GSK3B: variants seen among roughly 807,000 people sequenced by gnomAD.
GSK3B encodes the protein glycogen synthase kinase 3 beta.
Under a neutral mutation model 56.4 loss-of-function variants are expected in GSK3B, and 15 were observed. The observed-to-expected ratio is 0.27, with a 90% CI of 0.18 to 0.41. GSK3B has a LOEUF of 0.41. Ranked by LOEUF, GSK3B falls within the 10% of genes least tolerant of loss-of-function variation. The probability of loss-of-function intolerance (pLI) is 1.00; values close to 1 mark genes in which losing one functional copy is unlikely to be tolerated. For synonymous variants in GSK3B, 181 were observed against 188.9 expected, an observed-to-expected ratio of 0.96 and a Z score of 0.34; for missense variants, 300 against 513.4, an observed-to-expected ratio of 0.58 and a Z score of 4.02.
intron 1 of GSK3B, among the ~76,000 whole-genome samples, chr3:120,047,317 T>G (rs1220442053): frequency 6.6e-6 from 1 of 152,164 alleles, no homozygotes; most frequent in Non-Finnish European, 1.5e-5. Context: ...GAATCTGAGA[T>G]AACTATAAGG....
intron 10 of GSK3B, among the ~76,000 whole-genome samples, chr3:119,835,259 C>T (rs1284874470): frequency 6.6e-6 from 1 of 152,142 alleles, no homozygotes; most frequent in Non-Finnish European, 1.5e-5. Context: ...GAACTGACAG[C>T]GGGACAAACT....
chr3:120,082,385 C>CTTTTTTTT lies in GSK3B; in HGVS notation c.88+10954_88+10961dup, dbSNP rs1173737285. Reference sequence around the variant, plus strand: ...TGTGGCTAGCCCAAATTAGTATGTTCTTTTTTTTTTTTTTTTTTTTTTTTT... The same window carrying CTTTTTTTT: ...TGTGGCTAGCCCAAATTAGTATGTTCTTTTTTTTTTTTTTTTTTTTTTTTTTTTTTTTT... On this transcript the variant is annotated intron_variant, in intron 1 of 10. Coordinates refer to ENST00000264235, the MANE Select transcript of GSK3B (RefSeq NM_001146156.2). 5.4e-4 allele frequency among the ~76,000 whole-genome samples: 36 copies of CTTTTTTTT among 66,382 alleles called. 3 individuals carry two copies. The highest frequency in any genetic ancestry group is 1.4e-3 in the East Asian group (2 of 1,432). The allele number at this position is 66,382 out of a possible 152,430, so 43.5% of individuals were successfully genotyped here.
chr3:119,894,871 C>G (rs2056545116), intron 7 of GSK3B, among the ~76,000 whole-genome samples: 1 of 152,042 alleles, frequency 6.6e-6, no homozygotes, highest in Non-Finnish European at 1.5e-5. Flanking sequence ...ATCGTTTTGG[C>G]TCTAACATTT....
intron 1 of GSK3B, among the ~76,000 whole-genome samples, chr3:120,031,501 C>A (rs896368071): frequency 6.6e-6 from 1 of 152,168 alleles, no homozygotes; most frequent in Admixed American, 6.5e-5. Flanking sequence ...CTTGGGTAGT[C>A]AGGACTCTGC....
chr3:119,952,615 A>G (rs1346344039), intron 2 of GSK3B, among the ~76,000 whole-genome samples: 1 of 151,980 alleles, frequency 6.6e-6, no homozygotes, highest in Non-Finnish European at 1.5e-5. Flanking sequence ...AAAAAAAAAA[A>G]CATGAGAGGA....
chr3:119,963,273 C>A (rs781191926), intron 2 of GSK3B, among the ~76,000 whole-genome samples: 104 of 152,008 alleles, frequency 6.8e-4, no homozygotes, highest in Non-Finnish European at 1.2e-3. Context: ...TTATCCAAAG[C>A]CATCTATAGA....
At chr3:120,002,540 T>C (rs1298035010) in intron 1 of GSK3B, among the ~76,000 whole-genome samples, 2 of 152,144 alleles carry the variant, frequency 1.3e-5, no homozygotes, top group Non-Finnish European at 2.9e-5. Flanking sequence ...GGTTTCACCA[T>C]GTTGGCCAGG....
At chr3:119,959,733 T>A (rs1279615624) in intron 2 of GSK3B, among the ~76,000 whole-genome samples, 2 of 151,862 alleles carry the variant, frequency 1.3e-5, no homozygotes, top group Non-Finnish European at 2.9e-5. Context: ...GCCAGGCTGG[T>A]CTTGAACTCG....
At chr3:120,007,977 G>A (rs2057744022) in intron 1 of GSK3B, among the ~76,000 whole-genome samples, 1 of 151,314 alleles carries the variant, frequency 6.6e-6, no homozygotes. Flanking sequence ...AAGTCAAATT[G>A]TCTCTGTTTG....
intron 9 of GSK3B, among the ~76,000 whole-genome samples, chr3:119,862,931 CT>C (rs991926944): frequency 8.5e-5 from 13 of 152,174 alleles, no homozygotes; most frequent in African/African-American, 3.1e-4. Context: ...TGGAAATTTC[CT>C]TGTGTCTATT....
At chr3:119,836,965 C>A (rs1461161581) in intron 10 of GSK3B, among the ~76,000 whole-genome samples, 4 of 152,100 alleles carry the variant, frequency 2.6e-5, no homozygotes, top group African/African-American at 9.7e-5. Flanking sequence ...AAATCCAATA[C>A]CCTAATACTT....
chr3:120,043,920 G>A (rs1030890244), intron 1 of GSK3B, among the ~76,000 whole-genome samples: 1 of 152,214 alleles, frequency 6.6e-6, no homozygotes, highest in Non-Finnish European at 1.5e-5. Flanking sequence ...TGTAGAAGCA[G>A]ATGATCTAAG....
chr3:120,090,683 C>T (rs1263386086), intron 1 of GSK3B, among the ~76,000 whole-genome samples: 1 of 152,130 alleles, frequency 6.6e-6, no homozygotes, highest in Admixed American at 6.5e-5. Context: ...TCACAACATA[C>T]CCTACTAGCT....
intron 2 of GSK3B, among the ~76,000 whole-genome samples, chr3:119,961,052 T>C (rs146676799): frequency 2.1e-4 from 32 of 151,810 alleles, no homozygotes; most frequent in African/African-American, 6.8e-4. Context: ...GTCAGAAAAA[T>C]AAAGGAGTTA....
chr3:119,860,472 C>A (rs2056087629), intron 9 of GSK3B, among the ~76,000 whole-genome samples: 1 of 152,140 alleles, frequency 6.6e-6, no homozygotes, highest in South Asian at 2.1e-4. Context: ...TCAGAAAGAT[C>A]TTAAAGTTGT....
chr3:119,934,332 T>C (rs1358167651), intron 3 of GSK3B, among the ~76,000 whole-genome samples: 1 of 152,226 alleles, frequency 6.6e-6, no homozygotes, highest in Non-Finnish European at 1.5e-5. Context: ...ACTTTACCTC[T>C]CTGTTGTCTT....
intron 1 of GSK3B, among the ~76,000 whole-genome samples, chr3:120,082,924 T>G (rs2058433562): frequency 6.6e-6 from 1 of 152,126 alleles, no homozygotes; most frequent in Admixed American, 6.6e-5. Flanking sequence ...ATTCACCTTT[T>G]TGGCTTATAT....
rs2055955207 is a variant in GSK3B at position 119,852,725 on chromosome 3, T to C, written c.1097-9372A>G. 2.6e-5 allele frequency among the ~76,000 whole-genome samples: 4 copies of C among 152,186 alleles called. No homozygotes were observed. In the South Asian group the frequency reaches 6.2e-4, roughly 24 times the overall value. The stretch of plus-strand genomic sequence containing the variant: ...AAATCCAATTTAAAAAATAAACTTA[T>C]TGGGCATTTAAAAATAATACTGCTC... On this transcript the variant is annotated intron_variant, in intron 9 of 10. Coordinates refer to ENST00000264235, the MANE Select transcript of GSK3B (RefSeq NM_001146156.2).
intron 2 of GSK3B, among the ~76,000 whole-genome samples, chr3:119,978,275 C>CAT (rs2057425854): frequency 6.6e-6 from 1 of 152,028 alleles, no homozygotes; most frequent in Non-Finnish European, 1.5e-5. Context: ...CCCAAGATAA[C>CAT]CTCCCCTCCT....
Sources: allele counts gnomAD v4.1 joint callset (sites outside exome capture counted in the v4.1 genomes callset), GRCh38; gene constraint gnomAD v4.1.1; transcripts MANE v1.5; gene names NCBI Gene and HGNC (gene_info 2026-07-23, HGNC 2026-07-21).